The following IL1RAPL2 variants were observed in gnomAD, a reference collection of about 807,000 sequenced individuals.
IL1RAPL2 encodes interleukin 1 receptor accessory protein like 2, also known as X-linked interleukin-1 receptor accessory protein-like 2.
IL1RAPL2 carries 3 observed loss-of-function variants against 44.1 expected under a neutral mutation model. The ratio of observed to expected loss-of-function variants is 0.07; its 90% confidence interval spans 0.03 to 0.18. The LOEUF (loss-of-function observed/expected upper bound fraction) is 0.18. Ranked by LOEUF, IL1RAPL2 falls within the 10% of genes least tolerant of loss-of-function variation. IL1RAPL2 has a pLI of 1.00. For missense variants in IL1RAPL2, 391 were observed against 496.4 expected (o/e 0.79, Z 2.02); for synonymous variants, 181 against 178.8 (o/e 1.01, Z -0.10).
At chrX:104,692,794 G>A (rs775617804) in intron 2 of IL1RAPL2, among the ~76,000 whole-genome samples, 22 of 111,524 alleles carry the variant, frequency 2.0e-4, no homozygotes, top group East Asian at 1.4e-3. Flanking sequence ...GAATAGTGCC[G>A]CTATAAACAT....
intron 2 of IL1RAPL2, among the ~76,000 whole-genome samples, chrX:105,057,341 G>T (rs2032007278): frequency 9.0e-6 from 1 of 111,648 alleles, no homozygotes; most frequent in Admixed American, 9.6e-5. Flanking sequence ...GTTATGTTTA[G>T]TAAGGAGCAA....
At chrX:104,923,071 G>A (rs749623007) in intron 2 of IL1RAPL2, among the ~76,000 whole-genome samples, 4 of 111,649 alleles carry the variant, frequency 3.6e-5, no homozygotes, top group South Asian at 7.5e-4. Context: ...CAAGCTTGAA[G>A]CCCAGTCTTT....
intron 2 of IL1RAPL2, among the ~76,000 whole-genome samples, chrX:105,006,176 G>T (rs763126283): frequency 1.8e-5 from 2 of 110,413 alleles, no homozygotes; most frequent in Non-Finnish European, 3.8e-5. Flanking sequence ...TGCTAATTCC[G>T]AGAAAGCCAT....
chrX:104,747,589 A>G (rs1230855530), intron 2 of IL1RAPL2, among the ~76,000 whole-genome samples: 3 of 111,208 alleles, frequency 2.7e-5, no homozygotes, highest in African/African-American at 9.8e-5. Flanking sequence ...AAACTGACTT[A>G]GGGAAGGGGG....
chrX:104,943,233 T>A (rs1286288165), intron 2 of IL1RAPL2, among the ~76,000 whole-genome samples: 1 of 110,899 alleles, frequency 9.0e-6, no homozygotes, highest in Non-Finnish European at 1.9e-5. Flanking sequence ...TATCTGCAGA[T>A]TCCCTTTGTG....
chrX:105,378,200 A>T (rs1410289152), intron 5 of IL1RAPL2, among the ~76,000 whole-genome samples: 3 of 111,718 alleles, frequency 2.7e-5, no homozygotes, highest in Non-Finnish European at 5.7e-5. Context: ...AAAAAATAGC[A>T]GAATAGGCTG....
intron 9 of IL1RAPL2, among the ~76,000 whole-genome samples, chrX:105,754,217 A>C (rs1162118820): frequency 8.9e-6 from 1 of 112,502 alleles, no homozygotes; most frequent in Non-Finnish European, 1.9e-5. Flanking sequence ...TGCTCACTAC[A>C]TTAACTTAAA....
chrX:105,107,678 A>G (rs1427281314), intron 2 of IL1RAPL2, among the ~76,000 whole-genome samples: 1 of 111,534 alleles, frequency 9.0e-6, no homozygotes, highest in East Asian at 2.8e-4. Context: ...GGCTGGGGCA[A>G]CAATGGAGGG....
intron 6 of IL1RAPL2, among the ~76,000 whole-genome samples, chrX:105,494,332 G>T (rs1178008874): frequency 1.8e-5 from 2 of 111,637 alleles, no homozygotes; most frequent in Non-Finnish European, 3.8e-5. Flanking sequence ...TGTCTAAAAT[G>T]CCACATGAAC....
chrX:105,656,442 T>C (rs1415321358), intron 6 of IL1RAPL2, among the ~76,000 whole-genome samples: 1 of 111,638 alleles, frequency 9.0e-6, no homozygotes, highest in Non-Finnish European at 1.9e-5. Flanking sequence ...TTTTTACTAC[T>C]ATTCAACAAG....
chrX:104,761,917 C>T (rs28796751), intron 2 of IL1RAPL2, among the ~76,000 whole-genome samples: 6 of 30,823 alleles, frequency 1.9e-4, no homozygotes, highest in East Asian at 7.9e-4. Flanking sequence ...TTCTCCTTCT[C>T]CTTCTCCTTC....
At chrX:105,461,889 C>T (rs1387673858) in intron 5 of IL1RAPL2, among the ~76,000 whole-genome samples, 1 of 110,697 alleles carries the variant, frequency 9.0e-6, no homozygotes, top group East Asian at 2.9e-4. Flanking sequence ...TGTATAGGAG[C>T]ATGTTTGTAT....
chrX:105,353,879 C>G (rs1029711077), intron 5 of IL1RAPL2, among the ~76,000 whole-genome samples: 2 of 111,469 alleles, frequency 1.8e-5, no homozygotes, highest in Non-Finnish European at 3.8e-5. Context: ...CATCTGCAAA[C>G]AGGGACAATT....
intron 2 of IL1RAPL2, among the ~76,000 whole-genome samples, chrX:105,024,160 T>G (rs1422031404): frequency 9.0e-6 from 1 of 111,634 alleles, no homozygotes; most frequent in Non-Finnish European, 1.9e-5. Flanking sequence ...TTGTCTTGTT[T>G]TATTGTATGT....
intron 2 of IL1RAPL2, among the ~76,000 whole-genome samples, chrX:104,677,705 G>C (rs923465973): frequency 8.9e-6 from 1 of 112,026 alleles, no homozygotes; most frequent in Non-Finnish European, 1.9e-5. Flanking sequence ...CCTCGCTGCC[G>C]CCTTGCAGTT....
Position 105,296,810 on chromosome X carries a change from C to T in IL1RAPL2, c.697+29269C>T, listed in dbSNP as rs372511835. Reference sequence around the variant, plus strand: ...ATAAGGCACTCCTCCTTTAAAAATACGGGACTGAAATGATTAACTTAAGGT... The same window carrying T: ...ATAAGGCACTCCTCCTTTAAAAATATGGGACTGAAATGATTAACTTAAGGT... On this transcript the variant is annotated intron_variant, in intron 5 of 10. Coordinates refer to ENST00000372582, the MANE Select transcript of IL1RAPL2 (RefSeq NM_017416.2). Among the ~76,000 whole-genome samples the T allele has an allele frequency of 1.4e-4, 16 of 111,546 alleles. No individual in the cohort carries two copies. The East Asian group carries it at 2.6e-3, about 18-fold the overall frequency.
chrX:105,643,884 TTTTC>T (rs199874385), intron 6 of IL1RAPL2, among the ~76,000 whole-genome samples: 3 of 111,303 alleles, frequency 2.7e-5, no homozygotes, highest in Non-Finnish European at 3.8e-5. Flanking sequence ...GCAAGCTTTT[TTTTC>T]TTTCTTTCTT....
chrX:104,843,182 C>A (rs1461404583), intron 2 of IL1RAPL2, among the ~76,000 whole-genome samples: 2 of 111,956 alleles, frequency 1.8e-5, no homozygotes. Flanking sequence ...CCAGTCCAAA[C>A]CTCCCAGTCT....
rs146953522 is a variant in IL1RAPL2 at position 104,928,973 on chromosome X, C to G, written c.83-266502C>G. 1.7e-3 allele frequency among the ~76,000 whole-genome samples: 194 copies of G among 111,571 alleles called. 1 individual carries two copies. Among genetic ancestry groups the G allele is most frequent in the Non-Finnish European group, 3.1e-3 (165 of 53,078 alleles). On this transcript the variant is annotated intron_variant, in intron 2 of 10. Coordinates refer to ENST00000372582, the MANE Select transcript of IL1RAPL2 (RefSeq NM_017416.2). Reference sequence around the variant, plus strand: ...CTTAGATTCACTCCTACTTTATTTTCTTAAAGAAATAGTAACCCTTCCTAT... The same window carrying G: ...CTTAGATTCACTCCTACTTTATTTTGTTAAAGAAATAGTAACCCTTCCTAT...
Sources: gnomAD v4.1 joint callset for allele counts (sites outside exome capture counted in the v4.1 genomes callset) on GRCh38, gnomAD v4.1.1 for gene constraint, MANE v1.5 for transcripts, NCBI Gene and HGNC (gene_info 2026-07-23, HGNC 2026-07-21) for gene names.